Variants in PRICKLE1 observed in about 807,000 individuals in gnomAD.
The protein encoded by PRICKLE1 is prickle planar cell polarity protein 1.
PRICKLE1 carries 14 observed loss-of-function variants against 70.2 expected under a neutral mutation model. The ratio of observed to expected loss-of-function variants is 0.20; its 90% CI spans 0.13 to 0.31. PRICKLE1 has a LOEUF of 0.31. Among genes scored for constraint, PRICKLE1 ranks in the 10% least tolerant of loss-of-function variants. The pLI is 1.00. For missense variants in PRICKLE1, 821 were observed against 1,026.2 expected (o/e 0.80, Z 2.73); for synonymous variants, 357 against 379.9 (o/e 0.94, Z 0.70).
intron 1 of PRICKLE1, among the ~76,000 whole-genome samples, chr12:42,498,575 G>A (rs1414963098): frequency 3.9e-5 from 6 of 152,138 alleles, no homozygotes; most frequent in Admixed American, 3.3e-4. Flanking sequence ...TTGAGCCCAG[G>A]AGATCGAGAC....
chr12:42,476,806 C>G (rs1204282736), intron 1 of PRICKLE1, among the ~76,000 whole-genome samples: 1 of 151,916 alleles, frequency 6.6e-6, no homozygotes, highest in Non-Finnish European at 1.5e-5. Flanking sequence ...TGCCACCACA[C>G]CAAAGTTTTT....
At chr12:42,566,446 G>C (rs1472343794) in intron 1 of PRICKLE1, among the ~76,000 whole-genome samples, 1 of 152,172 alleles carries the variant, frequency 6.6e-6, no homozygotes, top group Non-Finnish European at 1.5e-5. Flanking sequence ...GTGAGACAGA[G>C]AGTACTCCAA....
intron 1 of PRICKLE1, chr12:42,484,093 G>C (rs1195543277): frequency 7.2e-6 from 1 of 137,936 alleles, no homozygotes; most frequent in Admixed American, 7.3e-5. Flanking sequence ...GATCCCAGCC[G>C]GACCCAGCTC....
intron 1 of PRICKLE1, chr12:42,485,239 G>GTTTTTT (rs556218718): frequency 6.9e-5 from 7 of 100,814 alleles, no homozygotes; most frequent in East Asian, 3.3e-4. Context: ...CAGCTGAGAA[G>GTTTTTT]TTTTTTTTTT....
intron 1 of PRICKLE1, among the ~76,000 whole-genome samples, chr12:42,579,340 T>A (rs994189617): frequency 3.3e-5 from 5 of 152,202 alleles, no homozygotes; most frequent in African/African-American, 1.2e-4. Flanking sequence ...GTCTTTTTTT[T>A]AACATTCGTT....
chr12:42,497,410 G>A (rs1394413241), intron 1 of PRICKLE1, among the ~76,000 whole-genome samples: 4 of 152,032 alleles, frequency 2.6e-5, no homozygotes, highest in East Asian at 3.9e-4. Context: ...TTAGCAGGGC[G>A]TGGTGGTGGG....
In PRICKLE1 at chr12:42,517,554, C is replaced by A. The variant is rs140839348; in HGVS notation, c.-48-44990G>T. On this transcript the variant is annotated intron_variant, in intron 1 of 7. Coordinates refer to ENST00000345127, the MANE Select transcript of PRICKLE1 (RefSeq NM_153026.3). ...GTCTTGATCTCCTGACCTCGTGATCCGCCCATCTTGGCTTCCCAAAGTGCT... is the reference window on the plus strand; with the variant it reads ...GTCTTGATCTCCTGACCTCGTGATCAGCCCATCTTGGCTTCCCAAAGTGCT... 3.6e-3 allele frequency among the ~76,000 whole-genome samples: 546 copies of A among 152,060 alleles called. 3 individuals are homozygous for A. Among genetic ancestry groups the A allele is most frequent in the South Asian group, 0.016 (77 of 4,804 alleles).
intron 1 of PRICKLE1, among the ~76,000 whole-genome samples, chr12:42,485,778 T>C (rs931700338): frequency 2.0e-5 from 3 of 152,218 alleles, no homozygotes; most frequent in Non-Finnish European, 2.9e-5. Context: ...GCAGCACTTA[T>C]CACTATTAAA....
At chr12:42,582,066 A>C (rs1940910693) in intron 1 of PRICKLE1, among the ~76,000 whole-genome samples, 2 of 152,214 alleles carry the variant, frequency 1.3e-5, no homozygotes, top group Admixed American at 1.3e-4. Context: ...AATATGGAGA[A>C]AGCCTGGTCT....
At chr12:42,528,961 C>T (rs1417878238) in intron 1 of PRICKLE1, among the ~76,000 whole-genome samples, 2 of 152,142 alleles carry the variant, frequency 1.3e-5, no homozygotes, top group Non-Finnish European at 2.9e-5. Context: ...TGACTCTTTG[C>T]CTCTAAGCCA....
chr12:42,521,932 GTGTGTGTGTGTGTGTGTGTGT>G (rs1939715589), intron 1 of PRICKLE1, among the ~76,000 whole-genome samples: 1 of 10,208 alleles, frequency 9.8e-5, no homozygotes, highest in African/African-American at 1.4e-4. Flanking sequence ...TGTTTTTGGT[GTGTGTGTGTGTGTGTGTGTGT>G]GTGTGTGTGT....
At chr12:42,525,306 C>CT (rs1333701072) in intron 1 of PRICKLE1, among the ~76,000 whole-genome samples, 1 of 152,130 alleles carries the variant, frequency 6.6e-6, no homozygotes, top group East Asian at 1.9e-4. Flanking sequence ...TTGTGATATC[C>CT]TTTATACAAA....
At chr12:42,477,660 G>T (rs189115623) in intron 1 of PRICKLE1, among the ~76,000 whole-genome samples, 1 of 151,738 alleles carries the variant, frequency 6.6e-6, no homozygotes, top group Non-Finnish European at 1.5e-5. Flanking sequence ...TCTTCCTGAG[G>T]ATACCTAACC....
intron 1 of PRICKLE1, among the ~76,000 whole-genome samples, chr12:42,556,889 C>A (rs1254535176): frequency 6.6e-6 from 1 of 152,190 alleles, no homozygotes; most frequent in Non-Finnish European, 1.5e-5. Flanking sequence ...ATGTGCCAGG[C>A]ACCCAGACTA....
intron 1 of PRICKLE1, chr12:42,489,864 CA>C (rs1939063630): frequency 6.6e-6 from 1 of 152,068 alleles, no homozygotes; most frequent in South Asian, 2.1e-4. Flanking sequence ...CATAGTGGGA[CA>C]GGGGCTGTCT....
At chr12:42,485,145 A>G (rs2140163606) in intron 1 of PRICKLE1, among the ~76,000 whole-genome samples, 1 of 152,104 alleles carries the variant, frequency 6.6e-6, no homozygotes, top group East Asian at 1.9e-4. Context: ...GTGATTTAAA[A>G]ATACATAAAC....
chr12:42,577,141 T>C (rs1940816948), intron 1 of PRICKLE1, among the ~76,000 whole-genome samples: 2 of 152,256 alleles, frequency 1.3e-5, no homozygotes, highest in Admixed American at 6.5e-5. Flanking sequence ...TCACTGTGTG[T>C]CAACAAGTGA....
At chr12:42,467,769 A>C (rs1218317692) in intron 5 of PRICKLE1, among the ~76,000 whole-genome samples, 1 of 152,214 alleles carries the variant, frequency 6.6e-6, no homozygotes, top group African/African-American at 2.4e-5. Flanking sequence ...AAAACAAAAC[A>C]AAAACAAAAA....
intron 1 of PRICKLE1, among the ~76,000 whole-genome samples, chr12:42,583,950 C>G (rs1217090548): frequency 1.3e-5 from 2 of 152,064 alleles, no homozygotes; most frequent in Non-Finnish European, 2.9e-5. Flanking sequence ...TCCATTTACT[C>G]CAAGTCCTGA....
Sources: allele counts gnomAD v4.1 joint callset (sites outside exome capture counted in the v4.1 genomes callset), GRCh38; gene constraint gnomAD v4.1.1; transcripts MANE v1.5; gene names NCBI Gene and HGNC (gene_info 2026-07-23, HGNC 2026-07-21).